Variants in SGIP1 observed in about 807,000 individuals in gnomAD.
SGIP1 encodes the protein SH3GL interacting endocytic adaptor 1.
A neutral mutation model predicts 107.5 loss-of-function variants in SGIP1; 38 were observed. That is an observed-to-expected ratio of 0.35 (90% CI 0.27 to 0.46). The LOEUF (loss-of-function observed/expected upper bound fraction) is 0.46. SGIP1 is among the 20% of genes least tolerant of loss of function. The pLI is 1.00. For missense variants in SGIP1, 929 were observed against 1,019.5 expected (o/e 0.91, Z 1.21); for synonymous variants, 365 against 366.1 (o/e 1.00, Z 0.03).
chr1:66,716,661 C>T (rs1359541250), intron 18 of SGIP1, among the ~76,000 whole-genome samples: 4 of 151,992 alleles, frequency 2.6e-5, no homozygotes, highest in African/African-American at 9.7e-5. Flanking sequence ...AACCCCAGTT[C>T]CAGGACCCCA....
At chr1:66,725,848 C>T (rs1254005268) in intron 19 of SGIP1, among the ~76,000 whole-genome samples, 2 of 152,086 alleles carry the variant, frequency 1.3e-5, no homozygotes, top group African/African-American at 4.8e-5. Flanking sequence ...CAAAACTGGC[C>T]GAGGGAATTG....
rs1435580687 is a variant in SGIP1, at chr1:66,749,946, T to C, written c.*6851T>C. 6.6e-6 allele frequency among the ~76,000 whole-genome samples: 1 copy of C among 152,050 alleles called. No individual in the cohort carries two copies. Among genetic ancestry groups the C allele is most frequent in the African/African-American group, 2.4e-5 (1 of 41,418 alleles). On this transcript the variant is annotated 3_prime_UTR_variant, in exon 25 of 25. Transcript: ENST00000371037. ...TTTCAGGTCAGAATTTAGTTCTTGCTTTGTTAAATGGACATACATGAAAGA... is the reference window on the plus strand; with the variant it reads ...TTTCAGGTCAGAATTTAGTTCTTGCCTTGTTAAATGGACATACATGAAAGA...
At chr1:66,534,804 G>A (rs2147925853) in intron 1 of SGIP1, among the ~76,000 whole-genome samples, 1 of 152,288 alleles carries the variant, frequency 6.6e-6, no homozygotes, top group African/African-American at 2.4e-5. Flanking sequence ...CATTTTCAGT[G>A]AACTGTTTAA....
intron 1 of SGIP1, among the ~76,000 whole-genome samples, chr1:66,608,582 G>C (rs377370572): frequency 6.6e-6 from 1 of 152,078 alleles, no homozygotes; most frequent in Non-Finnish European, 1.5e-5. Context: ...GTTCTGCTTC[G>C]GGCTGCTGGC....
At chr1:66,631,777 C>T (rs1004851837) in intron 2 of SGIP1, among the ~76,000 whole-genome samples, 5 of 150,858 alleles carry the variant, frequency 3.3e-5, no homozygotes, top group Admixed American at 2.6e-4. Flanking sequence ...CCTGATTGCA[C>T]CTTCCGAAGA....
At chr1:66,664,618 C>A (rs2082159949) in intron 8 of SGIP1, among the ~76,000 whole-genome samples, 1 of 152,170 alleles carries the variant, frequency 6.6e-6, no homozygotes, top group South Asian at 2.1e-4. Flanking sequence ...ACTAGACATT[C>A]CTGGAGGCCT....
At chr1:66,706,018 C>A (rs950477991) in intron 18 of SGIP1, among the ~76,000 whole-genome samples, 4 of 151,936 alleles carry the variant, frequency 2.6e-5, no homozygotes, top group African/African-American at 9.7e-5. Context: ...GTACATGTAT[C>A]CCGGAACTTA....
At chr1:66,537,866 ACATC>A (rs1265063270) in intron 1 of SGIP1, among the ~76,000 whole-genome samples, 1 of 152,222 alleles carries the variant, frequency 6.6e-6, no homozygotes, top group African/African-American at 2.4e-5. Flanking sequence ...ATTTGAACCT[ACATC>A]CATTTAACCA....
At chr1:66,656,890 G>A (rs1368324317) in intron 7 of SGIP1, among the ~76,000 whole-genome samples, 2 of 152,128 alleles carry the variant, frequency 1.3e-5, no homozygotes, top group African/African-American at 4.8e-5. Flanking sequence ...GAATCAGATT[G>A]GGCATAGTGG....
chr1:66,640,199 G>A (rs558364356), intron 5 of SGIP1, among the ~76,000 whole-genome samples: 1 of 152,268 alleles, frequency 6.6e-6, no homozygotes, highest in East Asian at 1.9e-4. Context: ...GCTGTGTGTG[G>A]CCTTGGAGTA....
chr1:66,719,850 A>G (rs1410748797), intron 19 of SGIP1, among the ~76,000 whole-genome samples: 1 of 152,230 alleles, frequency 6.6e-6, no homozygotes, highest in Non-Finnish European at 1.5e-5. Context: ...AGAACATGAA[A>G]GAAAAAACAC....
chr1:66,681,325 C>T (rs2149987864), intron 14 of SGIP1, among the ~76,000 whole-genome samples: 1 of 152,248 alleles, frequency 6.6e-6, no homozygotes, highest in South Asian at 2.1e-4. Flanking sequence ...GATGTGATCA[C>T]TTCTTAAAAT....
chr1:66,642,937 C>A (rs1361158542), intron 6 of SGIP1, 73 bp downstream of exon 6: 2 of 1,301,266 alleles, frequency 1.5e-6, no homozygotes, highest in Admixed American at 2.1e-5. Flanking sequence ...TCAGATTTTA[C>A]AAAAGTAATA....
chr1:66,719,241 T>C (rs2093403412), intron 18 of SGIP1, 53 bp from the exon 19 acceptor site: 17 of 1,225,326 alleles, frequency 1.4e-5, no homozygotes, highest in Non-Finnish European at 1.8e-5. Context: ...ATTTCACATA[T>C]ACTAAAGTGT....
intron 18 of SGIP1, among the ~76,000 whole-genome samples, chr1:66,698,520 A>G (rs2091365921): frequency 6.6e-6 from 1 of 151,816 alleles, no homozygotes; most frequent in Non-Finnish European, 1.5e-5. Flanking sequence ...CTGGGACCAC[A>G]GGCGCCCGCC....
intron 2 of SGIP1, among the ~76,000 whole-genome samples, chr1:66,628,991 C>T (rs143770053): frequency 1.5e-3 from 225 of 152,284 alleles, no homozygotes; most frequent in African/African-American, 5.1e-3. Context: ...CTAATGCTTT[C>T]GTGAACTCTG....
chr1:66,704,232 A>T (rs1317118885), intron 18 of SGIP1: 1 of 152,022 alleles, frequency 6.6e-6, no homozygotes, highest in Non-Finnish European at 1.5e-5. Flanking sequence ...TGACAATTTG[A>T]TTCTGCTGAG....
chr1:66,741,755 C>T (rs560081042), intron 24 of SGIP1, among the ~76,000 whole-genome samples: 1 of 150,974 alleles, frequency 6.6e-6, no homozygotes, highest in East Asian at 2.0e-4. Flanking sequence ...ATACTTTTTG[C>T]CTTTTATTTT....
At chr1:66,738,225 G>A (rs1419597422) in intron 21 of SGIP1, among the ~76,000 whole-genome samples, 2 of 152,070 alleles carry the variant, frequency 1.3e-5, no homozygotes, top group African/African-American at 2.4e-5. Flanking sequence ...TCCATTTGGG[G>A]GCTTGTTTCT....
Sources: gnomAD v4.1 joint callset for allele counts (sites outside exome capture counted in the v4.1 genomes callset) on GRCh38, gnomAD v4.1.1 for gene constraint, MANE v1.5 for transcripts, NCBI Gene and HGNC (gene_info 2026-07-23, HGNC 2026-07-21) for gene names.